The following TBC1D22A variants were observed in gnomAD, a reference collection of about 807,000 sequenced individuals.
TBC1D22A encodes putative GTPase activator.
TBC1D22A carries 38 observed loss-of-function variants against 60.2 expected under a neutral mutation model. That is an observed-to-expected ratio of 0.63 (90% CI 0.49 to 0.83). TBC1D22A has a LOEUF of 0.83. Among genes scored for constraint, TBC1D22A ranks in the 40% least tolerant of loss-of-function variants. TBC1D22A has a pLI of 0.00. For missense variants in TBC1D22A, 628 were observed against 701.0 expected (o/e 0.90, Z 1.18); for synonymous variants, 302 against 281.7 (o/e 1.07, Z -0.72).
At chr22:46,936,077 A>G (rs1427787059) in intron 8 of TBC1D22A, among the ~76,000 whole-genome samples, 1 of 152,168 alleles carries the variant, frequency 6.6e-6, no homozygotes, top group Non-Finnish European at 1.5e-5. Context: ...TGAGTGCCTC[A>G]TCCTCAGCAC....
chr22:46,952,696 C>T (rs1428826506), intron 8 of TBC1D22A, among the ~76,000 whole-genome samples: 2 of 152,174 alleles, frequency 1.3e-5, no homozygotes. Context: ...AGCATGCTGT[C>T]CCACACCTGC....
chr22:46,964,975 C>G (rs73186530), intron 8 of TBC1D22A, among the ~76,000 whole-genome samples: 4,972 of 152,272 alleles, frequency 0.033, 109 homozygotes, highest in South Asian at 0.064. Flanking sequence ...GTAAGCAGCA[C>G]CCACACAGGA....
At chr22:46,983,586 C>T (rs956755558) in intron 9 of TBC1D22A, among the ~76,000 whole-genome samples, 10 of 151,918 alleles carry the variant, frequency 6.6e-5, no homozygotes, top group South Asian at 2.1e-4. Context: ...TGTGGGTTTC[C>T]GGGGTTCTGG....
At chr22:46,861,170 T>A (rs1462284340) in intron 4 of TBC1D22A, among the ~76,000 whole-genome samples, 1 of 152,024 alleles carries the variant, frequency 6.6e-6, no homozygotes, top group African/African-American at 2.4e-5. Flanking sequence ...CTTGCCCAGG[T>A]TGGTCTCAAA....
At chr22:46,923,807 G>A (rs867719058) in intron 8 of TBC1D22A, among the ~76,000 whole-genome samples, 2 of 152,120 alleles carry the variant, frequency 1.3e-5, no homozygotes, top group African/African-American at 2.4e-5. Context: ...TACAATGTAG[G>A]CTTTTCCTTG....
At chr22:47,104,885 A>G (rs1011582963) in intron 11 of TBC1D22A, among the ~76,000 whole-genome samples, 2 of 152,040 alleles carry the variant, frequency 1.3e-5, no homozygotes, top group African/African-American at 2.4e-5. Flanking sequence ...AAATTCACCT[A>G]TCGCCTGGGA....
chr22:47,052,834 A>G (rs2063270410), intron 11 of TBC1D22A, among the ~76,000 whole-genome samples: 1 of 152,122 alleles, frequency 6.6e-6, no homozygotes, highest in African/African-American at 2.4e-5. Context: ...CAAGCCCACC[A>G]CACGGTGGTG....
intron 4 of TBC1D22A, among the ~76,000 whole-genome samples, chr22:46,832,294 G>A (rs1475542933): frequency 6.6e-6 from 1 of 152,204 alleles, no homozygotes; most frequent in Non-Finnish European, 1.5e-5. Context: ...ATCTTGTTAT[G>A]CCCTTCTTAA....
chr22:47,085,289 T>C (rs2064633197), intron 11 of TBC1D22A, among the ~76,000 whole-genome samples: 1 of 152,188 alleles, frequency 6.6e-6, no homozygotes, highest in Admixed American at 6.6e-5. Context: ...TATAAATATA[T>C]ACATATATTG....
intron 4 of TBC1D22A, among the ~76,000 whole-genome samples, chr22:46,808,897 G>A (rs535409509): frequency 7.6e-4 from 116 of 152,254 alleles, no homozygotes; most frequent in African/African-American, 2.7e-3. Flanking sequence ...CCCGGCCTTC[G>A]CCAGCTTTTG....
chr22:47,001,285 T>G (rs1323894045), intron 10 of TBC1D22A, among the ~76,000 whole-genome samples: 3 of 134,634 alleles, frequency 2.2e-5, no homozygotes, highest in Non-Finnish European at 4.6e-5. Flanking sequence ...GAAATTGTAT[T>G]TTTTTCTTTC....
intron 12 of TBC1D22A, among the ~76,000 whole-genome samples, chr22:47,141,729 A>T (rs1276054618): frequency 6.6e-6 from 1 of 152,208 alleles, no homozygotes; most frequent in African/African-American, 2.4e-5. Flanking sequence ...CGTTGCTTGT[A>T]GTGTTTTCCC....
chr22:46,853,101 A>G (rs538452793), intron 4 of TBC1D22A, among the ~76,000 whole-genome samples: 13 of 152,238 alleles, frequency 8.5e-5, no homozygotes, highest in South Asian at 2.1e-4. Context: ...GCAGTTGTCT[A>G]TGGAGAGATG....
chr22:47,152,709 G>C (rs539487804), intron 12 of TBC1D22A, among the ~76,000 whole-genome samples: 1 of 152,312 alleles, frequency 6.6e-6, no homozygotes, highest in African/African-American at 2.4e-5. Context: ...TTTAACTCTC[G>C]TGATGAGAAA....
At chr22:46,980,778 A>G (rs1432055287) in intron 9 of TBC1D22A, among the ~76,000 whole-genome samples, 3 of 152,254 alleles carry the variant, frequency 2.0e-5, no homozygotes, top group African/African-American at 4.8e-5. Context: ...TGTTACTAAT[A>G]TCTAATAAAT....
chr22:46,771,270 T>G (rs1395848177), intron 1 of TBC1D22A, among the ~76,000 whole-genome samples: 2 of 152,328 alleles, frequency 1.3e-5, no homozygotes, highest in South Asian at 2.1e-4. Flanking sequence ...ACCATGGGAT[T>G]CCTCATGGAA....
chr22:46,904,142 T>TCTATCTATCTATCTATCTGCCTACCTAC lies in TBC1D22A; in HGVS notation c.901-7929_901-7928insTCTATCTATCTATCTGCCTACCTACCTA, dbSNP rs57116517. ...ATCTATCTATCTATCTATCTATCTA[T>TCTATCTATCTATCTATCTGCCTACCTAC]CTACCTACCTACCTACCTACCTACC... On this transcript the variant is annotated intron_variant, in intron 7 of 12. Coordinates refer to ENST00000337137, the MANE Select transcript of TBC1D22A (RefSeq NM_014346.5). Among the ~76,000 whole-genome samples, 473 of 134,554 alleles carry TCTATCTATCTATCTATCTGCCTACCTAC rather than the reference T, an allele frequency of 3.5e-3. 3 individuals carry two copies. The highest frequency in any genetic ancestry group is 4.2e-3 in the Non-Finnish European group (265 of 63,138). 88.3% of individuals were successfully genotyped at this position (134,554 alleles called of 152,430 possible). A position where few individuals can be genotyped will look rare whatever the true frequency, so the allele number is the denominator to read the frequency against.
intron 8 of TBC1D22A, among the ~76,000 whole-genome samples, chr22:46,958,951 C>T (rs537050085): frequency 2.0e-5 from 3 of 152,326 alleles, no homozygotes; most frequent in African/African-American, 7.2e-5. Context: ...ATACACCATG[C>T]TCATTCTTCC....
intron 12 of TBC1D22A, among the ~76,000 whole-genome samples, chr22:47,137,193 G>A (rs532447047): frequency 7.2e-5 from 11 of 152,318 alleles, no homozygotes; most frequent in Non-Finnish European, 1.6e-4. Context: ...GGCAAACATG[G>A]TAGGATTTCT....
Sources: gnomAD v4.1 joint callset for allele counts (sites outside exome capture counted in the v4.1 genomes callset) on GRCh38, gnomAD v4.1.1 for gene constraint, MANE v1.5 for transcripts, NCBI Gene and HGNC (gene_info 2026-07-23, HGNC 2026-07-21) for gene names.